Variants in LRPPRC observed in about 807,000 individuals in gnomAD.
LRPPRC encodes the protein leucine-rich PPR motif-containing protein, mitochondrial.
LRPPRC carries 120 observed loss-of-function variants against 180.3 expected under a neutral mutation model. That is an observed-to-expected ratio of 0.67 (90% CI 0.57 to 0.77). The LOEUF is 0.77. Ranked by LOEUF, LRPPRC falls within the 30% of genes least tolerant of loss-of-function variation. The probability of loss-of-function intolerance (pLI) is 0.00; values close to 1 mark genes in which losing one functional copy is unlikely to be tolerated. For missense variants in LRPPRC, 2,012 were observed against 1,657.2 expected, an observed-to-expected ratio of 1.21 and a Z score of -3.72; for synonymous variants, 723 against 600.0, an observed-to-expected ratio of 1.21 and a Z score of -3.00.
intron 34 of LRPPRC, among the ~76,000 whole-genome samples, chr2:43,897,757 C>T (rs1670736940): frequency 6.6e-6 from 1 of 151,940 alleles, no homozygotes; most frequent in Non-Finnish European, 1.5e-5. Flanking sequence ...CCTGCTGCCA[C>T]CCACCCAGGC....
chr2:43,945,208 T>G, intron 22 of LRPPRC, 124 bp downstream of exon 22: 1 of 719,812 alleles, frequency 1.4e-6, no homozygotes, highest in Middle Eastern at 2.4e-4. Context: ...TGGATTCACA[T>G]GCAAATTTCT....
intron 23 of LRPPRC, among the ~76,000 whole-genome samples, chr2:43,943,111 A>G (rs1672543767): frequency 6.6e-6 from 1 of 152,102 alleles, no homozygotes; most frequent in African/African-American, 2.4e-5. Flanking sequence ...TGTTTTATTC[A>G]TTATAAAATA....
At chr2:43,931,681 C>T (rs1021382071) in intron 25 of LRPPRC, among the ~76,000 whole-genome samples, 2 of 152,018 alleles carry the variant, frequency 1.3e-5, no homozygotes, top group Non-Finnish European at 2.9e-5. Flanking sequence ...ATGTAAATGA[C>T]GGAGAGAGAC....
At chr2:43,934,323 T>C (rs1191538090) in intron 24 of LRPPRC, 27 bp from the exon 25 acceptor site, 5 of 1,097,836 alleles carry the variant, frequency 4.6e-6, no homozygotes, top group East Asian at 2.4e-5. Context: ...AAAATATATA[T>C]ATTAGGAGAA....
intron 35 of LRPPRC, among the ~76,000 whole-genome samples, chr2:43,895,029 C>T (rs561491190): frequency 1.6e-4 from 24 of 152,284 alleles, no homozygotes; most frequent in Middle Eastern, 3.4e-3. Context: ...TGAAGTGTTA[C>T]ACACTTGACA....
At chr2:43,963,266 G>T (rs1172047803) in intron 12 of LRPPRC, among the ~76,000 whole-genome samples, 1 of 152,080 alleles carries the variant, frequency 6.6e-6, no homozygotes, top group Non-Finnish European at 1.5e-5. Context: ...CCAACATGGA[G>T]AAACCCTGTC....
intron 21 of LRPPRC, 100 bp from the exon 22 acceptor site, chr2:43,945,517 C>G: frequency 1.3e-6 from 1 of 756,594 alleles, no homozygotes; most frequent in Non-Finnish European, 2.4e-6. Flanking sequence ...CATCAGAAGA[C>G]CTGAACTAAT....
At position 43,888,580 on chromosome 2, in the gene LRPPRC, C is replaced by T. The variant is rs1472875052; in HGVS notation, c.*20G>A. 1 of 1,468,894 alleles carries T rather than the reference C, an allele frequency of 6.8e-7. No individual in the cohort carries two copies. The highest frequency in any genetic ancestry group is 1.1e-5 in the South Asian group (1 of 87,940). 91.0% of individuals were successfully genotyped at this position (1,468,894 alleles called of 1,614,324 possible). A position where few individuals can be genotyped will look rare whatever the true frequency, so the allele number is the denominator to read the frequency against. ...CACAGAATCACAAATATATACAAAA[C>T]AAAGTATCGCCTGGTTATTTCAAGA... On this transcript the variant is annotated 3_prime_UTR_variant, in exon 38 of 38. Transcript: ENST00000260665.
At position 43,994,091 on chromosome 2, in the gene LRPPRC, T is replaced by C. The variant is rs557283983; in HGVS notation, c.149+1708A>G. On this transcript the variant is annotated intron_variant, in intron 1 of 37. Transcript: ENST00000260665. The stretch of plus-strand genomic sequence containing the variant: ...GTGAAGATAAAAGAAAATGTGGACC[T>C]TCCCCTGGCCTCACAGAAATGCTGA... 6.6e-5 allele frequency among the ~76,000 whole-genome samples: 10 copies of C among 152,140 alleles called. 1 individual carries two copies. The South Asian group carries it at 2.1e-3, about 31-fold the overall frequency.
Position 43,957,569 on chromosome 2 carries a change from T to C in LRPPRC, c.1583-118A>G, listed in dbSNP as rs997150682. 1.7e-5 allele frequency: 13 copies of C among 754,736 alleles called. 1 individual carries two copies. The highest frequency in any genetic ancestry group is 1.2e-4 in the African/African-American group (7 of 56,580). 46.8% of individuals were successfully genotyped at this position (754,736 alleles called of 1,614,324 possible). ...TTTAGTTTTCATTTTGGAAATTGTA[T>C]TTAAAAAATAAAAATGTTTTCATAC... On this transcript the variant is annotated intron_variant, in intron 13 of 37. Transcript: ENST00000260665.
chr2:43,890,048 A>G (rs921065103), intron 36 of LRPPRC, among the ~76,000 whole-genome samples, 172 bp from the exon 37 acceptor site: 1 of 152,204 alleles, frequency 6.6e-6, no homozygotes, highest in Non-Finnish European at 1.5e-5. Flanking sequence ...TCACTTCTCT[A>G]CATCCCTCAT....
At chr2:43,986,342 C>G (rs1358731130) in intron 1 of LRPPRC, among the ~76,000 whole-genome samples, 1 of 152,082 alleles carries the variant, frequency 6.6e-6, no homozygotes, top group Non-Finnish European at 1.5e-5. Context: ...GTTGGCCAGG[C>G]TGGTCTCAAA....
intron 14 of LRPPRC, among the ~76,000 whole-genome samples, chr2:43,956,148 A>G (rs1176385626): frequency 1.3e-5 from 2 of 152,188 alleles, no homozygotes; most frequent in African/African-American, 2.4e-5. Flanking sequence ...AAAACAAAAC[A>G]AAAACCAGTG....
At chr2:43,996,094 G>A (rs960150835), upstream of LRPPRC, 8 of 681,366 alleles carry the variant, frequency 1.2e-5, 1 homozygote, top group South Asian at 1.5e-4. Flanking sequence ...TTGGAAGATG[G>A]AAAACCGCAC....
chr2:43,900,300 T>C (rs1243935110), intron 32 of LRPPRC, among the ~76,000 whole-genome samples: 1 of 152,158 alleles, frequency 6.6e-6, no homozygotes, highest in Non-Finnish European at 1.5e-5. Flanking sequence ...AGGTAATCTA[T>C]AATGGATACT....
chr2:43,992,819 T>A (rs1168158789), intron 1 of LRPPRC, among the ~76,000 whole-genome samples: 1 of 152,224 alleles, frequency 6.6e-6, no homozygotes, highest in Admixed American at 6.5e-5. Context: ...AGGGGTCCAA[T>A]TTGAGCTGTG....
chr2:43,888,753 G>A (rs1670366527), intron 37 of LRPPRC, 97 bp from the exon 38 acceptor site: 3 of 724,552 alleles, frequency 4.1e-6, no homozygotes, highest in Non-Finnish European at 5.0e-6. Flanking sequence ...TGGTAGCTAA[G>A]ACTGCCAGGC....
In LRPPRC at chr2:43,944,388, T is replaced by C. The variant is rs572061485; in HGVS notation, c.2297-494A>G. ...AATGAAAGCTTTCCAAAAGACTGCA[T>C]GTTAATACATTAGATTCATTAAGCT... On this transcript the variant is annotated intron_variant, in intron 22 of 37. Transcript: ENST00000260665. Among the ~76,000 whole-genome samples the C allele has an allele frequency of 2.6e-5, 4 of 152,234 alleles. No individual in the cohort carries two copies. In the East Asian group the frequency reaches 5.8e-4, roughly 22 times the overall value.
At chr2:43,968,996 T>C (rs1373114666) in intron 11 of LRPPRC, among the ~76,000 whole-genome samples, 3 of 152,234 alleles carry the variant, frequency 2.0e-5, no homozygotes, top group African/African-American at 2.4e-5. Flanking sequence ...AATCATTATA[T>C]TGTACACCTT....
Sources: gnomAD v4.1 joint callset for allele counts (sites outside exome capture counted in the v4.1 genomes callset) on GRCh38, gnomAD v4.1.1 for gene constraint, MANE v1.5 for transcripts, NCBI Gene and HGNC (gene_info 2026-07-23, HGNC 2026-07-21) for gene names.